Variants in COPG1 observed in about 807,000 individuals in gnomAD.
COPG1 encodes the protein coat protein complex I subunit gamma 1.
A neutral mutation model predicts 102.8 loss-of-function variants in COPG1; 29 were observed. That is an observed-to-expected ratio of 0.28 (90% CI 0.21 to 0.38). The LOEUF (loss-of-function observed/expected upper bound fraction) is 0.38. COPG1 is among the 10% of genes least tolerant of loss of function. COPG1 has a pLI of 1.00. For missense variants in COPG1, 875 were observed against 1,132.7 expected (o/e 0.77, Z 3.27); for synonymous variants, 406 against 421.6 (o/e 0.96, Z 0.45).
Position 129,271,774 on chromosome 3 carries a change from G to A in COPG1, c.1851G>A (p.Leu617=). 6.2e-7 allele frequency: 1 copy of A among 1,614,184 alleles called. No homozygotes were observed. The highest frequency in any genetic ancestry group is 8.5e-7 in the Non-Finnish European group (1 of 1,180,018). The part of the protein sequence containing the change: ...ATRQEIFQEQ[L]AAVPEFRGLG... ...GTGGCCTGTGGATTTCAGAGCAGTT[G>A]GCAGCAGTGCCAGAGTTCCGCGGTC... The change falls in exon 19 of 24, where the codon TTG becomes TTA. Residue 617 remains leucine, a synonymous_variant. Coordinates refer to ENST00000314797, the MANE Select transcript of COPG1 (RefSeq NM_016128.4). This position sits in a 1 kb window ranked among gnomAD's most constrained non-coding sequence, Gnocchi z 4.7.
chr3:129,251,813 G>T (rs1325049971), intron 2 of COPG1, among the ~76,000 whole-genome samples: 2 of 151,810 alleles, frequency 1.3e-5, no homozygotes, highest in East Asian at 3.9e-4. Context: ...TCGGCCTCCC[G>T]AGTAGCTGAG....
intron 1 of COPG1, 51 bp downstream of exon 1, chr3:129,249,797 G>T (rs964902302): frequency 1.6e-5 from 24 of 1,542,242 alleles, no homozygotes; most frequent in African/African-American, 1.5e-4. Context: ...CACCCGCCGA[G>T]CTTTCCTTCT....
chr3:129,272,578 A>T (rs56684511), intron 20 of COPG1, among the ~76,000 whole-genome samples, 163 bp downstream of exon 20: 16,319 of 149,872 alleles, frequency 0.11, 2,471 homozygotes, highest in African/African-American at 0.34. Context: ...TTCTTTAAAA[A>T]TTTTTTTTTT....
chr3:129,273,056 T>C, intron 21 of COPG1, 152 bp downstream of exon 21: 1 of 403,000 alleles, frequency 2.5e-6, no homozygotes, highest in Non-Finnish European at 4.5e-6. Flanking sequence ...AAGTTTCTCT[T>C]TTGTTACCCA....
rs141308730 is a variant in COPG1 at position 129,274,871 on chromosome 3, A to G, written c.2290A>G (p.Ile764Val). The change falls in exon 22 of 24, where the codon ATT (isoleucine) becomes GTT (valine). Residue 764 changes from isoleucine (I) to valine (V), a missense_variant. Coordinates refer to ENST00000314797, the MANE Select transcript of COPG1 (RefSeq NM_016128.4). ...EDLEVTVADH[I>V]QKVMKLNFEA... The stretch of plus-strand genomic sequence containing the variant: ...TCTGGAAGTTACTGTAGCTGATCAC[A>G]TTCAAAAGGTCATGAAACTGAACTT... The G allele has an allele frequency of 1.9e-6, 3 of 1,614,228 alleles. No individual in the cohort carries two copies. The highest frequency in any genetic ancestry group is 2.5e-6 in the Non-Finnish European group (3 of 1,180,036).
chr3:129,251,574 G>A (rs1195927176), intron 2 of COPG1, among the ~76,000 whole-genome samples: 1 of 151,630 alleles, frequency 6.6e-6, no homozygotes, highest in Non-Finnish European at 1.5e-5. Context: ...GTAGAGATGA[G>A]GTTTCACGAT....
Position 129,269,015 on chromosome 3 carries a change from T to C in COPG1, c.1843+15T>C. 6.2e-7 allele frequency: 1 copy of C among 1,612,460 alleles called. No homozygotes were observed. Among genetic ancestry groups the C allele is most frequent in the Non-Finnish European group, 8.5e-7 (1 of 1,178,644 alleles). Reference sequence around the variant, plus strand: ...GATCTTCCAGGGTGAGTCACAGTGGTTGGGGGATGCTTGGGACCTGGGCTT... The same window carrying C: ...GATCTTCCAGGGTGAGTCACAGTGGCTGGGGGATGCTTGGGACCTGGGCTT... On this transcript the variant is annotated intron_variant, in intron 18 of 23. Coordinates refer to ENST00000314797, the MANE Select transcript of COPG1 (RefSeq NM_016128.4).
At chr3:129,265,881 T>G in intron 14 of COPG1, 89 bp downstream of exon 14, 1 of 1,338,678 alleles carries the variant, frequency 7.5e-7, no homozygotes, top group Non-Finnish European at 1.0e-6. Flanking sequence ...AGTGGGGATT[T>G]GTGCACTCAG....
chr3:129,261,016 T>C (rs967493531), intron 12 of COPG1, among the ~76,000 whole-genome samples: 1 of 152,216 alleles, frequency 6.6e-6, no homozygotes, highest in Non-Finnish European at 1.5e-5. Flanking sequence ...ATCGTCCCCT[T>C]GTACTGAAAG....
intron 5 of COPG1, 144 bp downstream of exon 5, chr3:129,253,099 C>A: frequency 1.6e-6 from 1 of 631,268 alleles, no homozygotes; most frequent in Non-Finnish European, 2.8e-6. Flanking sequence ...CTGCCCACCC[C>A]ATGGCAGCCT....
intron 12 of COPG1, among the ~76,000 whole-genome samples, chr3:129,261,249 G>A (rs1372239585): frequency 6.6e-6 from 1 of 152,208 alleles, no homozygotes; most frequent in East Asian, 1.9e-4. Context: ...GCAGTCAAGA[G>A]TGTAGAAATA....
rs762895620 is a variant in COPG1, at chr3:129,256,091, CGTG to C, written c.519_521del (p.Val174del). 6.2e-7 allele frequency: 1 copy of C among 1,613,846 alleles called. No homozygotes were observed. Among genetic ancestry groups the C allele is most frequent in the Admixed American group, 1.7e-5 (1 of 60,014 alleles). On this transcript the variant is annotated inframe_deletion, in exon 8 of 24. Coordinates refer to ENST00000314797, the MANE Select transcript of COPG1 (RefSeq NM_016128.4). ...AGCACCTGCTGAAGTGCAGCTTTGA[CGTG>C]GTCAAGCGCTGGGTGAATGAGGCTC...
chr3:129,256,611 C>T (rs940640513), intron 8 of COPG1, among the ~76,000 whole-genome samples: 20 of 152,216 alleles, frequency 1.3e-4, no homozygotes, highest in Admixed American at 4.6e-4. Context: ...CTGTAAAATA[C>T]GAATGAAGGT....
At chr3:129,260,523 A>T in intron 11 of COPG1, 96 bp from the exon 12 acceptor site, 1 of 1,512,202 alleles carries the variant, frequency 6.6e-7, no homozygotes, top group Non-Finnish European at 9.1e-7. Flanking sequence ...AGATGGTGAG[A>T]TGATCTCATC....
chr3:129,268,504 T>C lies in COPG1; in HGVS notation c.1658T>C (p.Val553Ala). ...CTCTCTTCACCTCCAGGTCTGACTG[T>C]GTCCATCCCTGGTCTGGAGAGGGCT... ...NAGYILNGLT[V>A]SIPGLERALQ... The change falls in exon 17 of 24, where the codon GTG becomes GCG. Residue 553 changes from valine (V) to alanine (A), a missense_variant. By Grantham distance (64) the Val-to-Ala change is moderately conservative. Coordinates refer to ENST00000314797, the MANE Select transcript of COPG1 (RefSeq NM_016128.4). 3 of 1,614,162 alleles carry C rather than the reference T, an allele frequency of 1.9e-6. No individual in the cohort carries two copies. Among genetic ancestry groups the C allele is most frequent in the Non-Finnish European group, 2.5e-6 (3 of 1,180,004 alleles).
At chr3:129,272,684 T>C (rs1173149213) in intron 20 of COPG1, 123 bp from the exon 21 acceptor site, 15 of 638,030 alleles carry the variant, frequency 2.4e-5, no homozygotes, top group Non-Finnish European at 3.6e-5. Context: ...TTGTTGCTGC[T>C]ACTAATAACA....
At chr3:129,268,388 T>A in intron 16 of COPG1, 107 bp from the exon 17 acceptor site, 1 of 1,107,482 alleles carries the variant, frequency 9.0e-7, no homozygotes, top group Non-Finnish European at 1.3e-6. Context: ...TTTCTCAGGG[T>A]CATACTACTT....
chr3:129,265,160 C>G (rs563690553), intron 13 of COPG1, among the ~76,000 whole-genome samples: 1 of 151,670 alleles, frequency 6.6e-6, no homozygotes, highest in African/African-American at 2.4e-5. Context: ...GGTGTGATCA[C>G]GGCTCACTGC....
rs555162797 is a variant in COPG1, at chr3:129,277,099, A to G, written c.2495-195A>G. The stretch of plus-strand genomic sequence containing the variant: ...AGCCTCCCAAAGTGCTGGAATTACA[A>G]GCGTGAGCCACCGCGCCTGGCTGAG... On this transcript the variant is annotated intron_variant, in intron 23 of 23. Coordinates refer to ENST00000314797, the MANE Select transcript of COPG1 (RefSeq NM_016128.4). Among the ~76,000 whole-genome samples the G allele has an allele frequency of 1.2e-4, 18 of 151,708 alleles. No homozygotes were observed. The Middle Eastern group carries it at 0.014, about 115-fold the overall frequency.
Sources: allele counts gnomAD v4.1 joint callset (sites outside exome capture counted in the v4.1 genomes callset), GRCh38; gene constraint gnomAD v4.1.1; non-coding constraint Gnocchi (gnomAD v3.1); transcripts MANE v1.5; gene names NCBI Gene and HGNC (gene_info 2026-07-23, HGNC 2026-07-21).